Variants in RRBP1 observed in about 807,000 individuals in gnomAD.
RRBP1 encodes the protein ribosome-binding protein 1.
Under a neutral mutation model 165.2 loss-of-function variants are expected in RRBP1, and 94 were observed. The observed-to-expected ratio is 0.57, with a 90% CI of 0.48 to 0.68. The LOEUF is 0.68. RRBP1 is among the 30% of genes least tolerant of loss of function. The pLI is 0.00. For missense variants in RRBP1, 1,676 were observed against 1,763.0 expected (o/e 0.95, Z 0.88); for synonymous variants, 680 against 714.5 (o/e 0.95, Z 0.77).
intron 11 of RRBP1, 37 bp from the exon 12 acceptor site, chr20:17,625,639 A>G (rs1329708261): frequency 6.4e-7 from 1 of 1,562,094 alleles, no homozygotes; most frequent in African/African-American, 1.4e-5. Flanking sequence ...CTAGGCTCCA[A>G]GGGGCTACAG....
At chr20:17,624,412 G>GTC (rs2035975836) in intron 13 of RRBP1, among the ~76,000 whole-genome samples, 164 bp downstream of exon 13, 1 of 152,168 alleles carries the variant, frequency 6.6e-6, no homozygotes. Context: ...GTGCATCTGT[G>GTC]TGTCCTAGTG....
intron 3 of RRBP1, among the ~76,000 whole-genome samples, chr20:17,646,980 C>G (rs1284005570): frequency 3.3e-5 from 5 of 152,190 alleles, no homozygotes; most frequent in African/African-American, 1.2e-4. Flanking sequence ...GGGAGGGTAT[C>G]AGAACCACTC....
rs1485538173 is a variant in RRBP1, at chr20:17,682,188, T to C, written c.-259A>G. ...CTGACGCCGCCCGCCCCGTCTGCCG[T>C]CCGCTCCGGCCGCTCGCTGGCTGCG... On this transcript the variant is annotated 5_prime_UTR_variant, in exon 1 of 25. Transcript: ENST00000377813. The C allele has an allele frequency of 6.6e-6, 1 of 152,264 alleles. No individual in the cohort carries two copies. The highest frequency in any genetic ancestry group is 1.5e-5 in the Non-Finnish European group (1 of 68,168). 9.4% of individuals were successfully genotyped at this position (152,264 alleles called of 1,614,324 possible). A position where few individuals can be genotyped will look rare whatever the true frequency, so the allele number is the denominator to read the frequency against.
intron 2 of RRBP1, among the ~76,000 whole-genome samples, chr20:17,666,801 A>G (rs1044470688): frequency 1.3e-5 from 2 of 152,242 alleles, no homozygotes; most frequent in Admixed American, 6.5e-5. Context: ...ATCTTTCCTC[A>G]GGTTAAGTAG....
Position 17,677,858 on chromosome 20 carries a change from G to A in RRBP1, c.-22+2141C>T, listed in dbSNP as rs912194438. Among the ~76,000 whole-genome samples, 3 of 151,822 alleles carry A rather than the reference G, an allele frequency of 2.0e-5. No individual in the cohort carries two copies. In the South Asian group the frequency reaches 6.2e-4, roughly 32 times the overall value. ...TTGTCTCAAAAAAAAAGAGAAAAAA[G>A]AAAAAGAAAAAAAAGTTATATGGAG... On this transcript the variant is annotated intron_variant, in intron 2 of 24. Coordinates refer to ENST00000377813, the MANE Select transcript of RRBP1 (RefSeq NM_001365613.2).
At chr20:17,675,280 T>C (rs754825979) in intron 2 of RRBP1, among the ~76,000 whole-genome samples, 41 of 152,260 alleles carry the variant, frequency 2.7e-4, no homozygotes, top group Non-Finnish European at 5.4e-4. Context: ...TGTGTTTATA[T>C]GTGATGCTCT....
intron 2 of RRBP1, among the ~76,000 whole-genome samples, chr20:17,666,186 T>C (rs1568787537): frequency 6.6e-6 from 1 of 152,192 alleles, no homozygotes; most frequent in Non-Finnish European, 1.5e-5. Flanking sequence ...ATGAATATGG[T>C]ATGCTAGAGC....
At chr20:17,628,080 G>C (rs571130568) in intron 9 of RRBP1, among the ~76,000 whole-genome samples, 45 of 152,090 alleles carry the variant, frequency 3.0e-4, no homozygotes, top group African/African-American at 1.1e-3. Context: ...CTCCCTGGCT[G>C]GGTCCCCCTC....
rs1481249392 is a variant in RRBP1 at position 17,641,856 on chromosome 20, G to A, written c.2125C>T (p.Leu709=). The change falls in exon 5 of 25, where the codon CTG becomes TTG. Residue 709 remains leucine (L), a synonymous_variant. Transcript: ENST00000377813. ...GCCGCATCTTCCTGTTCTGTGGCCAGCAGTTTTTCCTTCTCTTCCAGCTGG... is the reference window on the plus strand; with the variant it reads ...GCCGCATCTTCCTGTTCTGTGGCCAACAGTTTTTCCTTCTCTTCCAGCTGG... ...KRQLEEKEKL[L]ATEQEDAAVA... The A allele has an allele frequency of 6.2e-7, 1 of 1,614,066 alleles. No individual in the cohort carries two copies. The highest frequency in any genetic ancestry group is 2.2e-5 in the East Asian group (1 of 44,890).
intron 13 of RRBP1, chr20:17,622,718 TG>T (rs2035938632): frequency 6.6e-6 from 1 of 152,122 alleles, no homozygotes; most frequent in Non-Finnish European, 1.5e-5. Context: ...AGGACCACAG[TG>T]TCCCCCGGGA....
chr20:17,674,242 G>A (rs917709728), intron 2 of RRBP1, among the ~76,000 whole-genome samples: 1 of 152,146 alleles, frequency 6.6e-6, no homozygotes, highest in Admixed American at 6.5e-5. Context: ...AAAATCAACA[G>A]GAGAGAAGAG....
chr20:17,637,279 T>C lies in RRBP1; in HGVS notation c.2185-550A>G, dbSNP rs549406776. 4.6e-5 allele frequency among the ~76,000 whole-genome samples: 7 copies of C among 152,222 alleles called. No individual in the cohort carries two copies. The South Asian group carries it at 1.5e-3, about 32-fold the overall frequency. On this transcript the variant is annotated intron_variant, in intron 5 of 24. Coordinates refer to ENST00000377813, the MANE Select transcript of RRBP1 (RefSeq NM_001365613.2). The stretch of plus-strand genomic sequence containing the variant: ...GACATCGGCTCCGATCAGTGCCAGA[T>C]ACCCACAGGTGAACATGGATGCCGA...
At chr20:17,625,944 G>A (rs1367306354) in intron 11 of RRBP1, among the ~76,000 whole-genome samples, 1 of 152,126 alleles carries the variant, frequency 6.6e-6, no homozygotes, top group Non-Finnish European at 1.5e-5. Context: ...TGCATCATGT[G>A]ACAGCCTCCG....
rs1174233865 is a variant in RRBP1, at chr20:17,627,285, C to T, written c.2963+63G>A. The T allele has an allele frequency of 5.1e-6, 8 of 1,577,830 alleles. No individual in the cohort carries two copies. In the African/African-American group the frequency reaches 1.1e-4, roughly 21 times the overall value. On this transcript the variant is annotated intron_variant, in intron 11 of 24. Coordinates refer to ENST00000377813, the MANE Select transcript of RRBP1 (RefSeq NM_001365613.2). ...CACCCTCCTGAAAACCCTGGCCCCC[C>T]AAGGGTCTTTGGTCCCCCGGGCTGA...
chr20:17,672,740 A>G (rs2037000661), intron 2 of RRBP1, among the ~76,000 whole-genome samples: 1 of 152,220 alleles, frequency 6.6e-6, no homozygotes, highest in South Asian at 2.1e-4. Context: ...CCCAAACTGG[A>G]AACTCTCCAA....
At position 17,658,936 on chromosome 20, in the gene RRBP1, C is replaced by T. The variant is rs1433066354; in HGVS notation, c.1572G>A (p.Gly524=). ...GAQNQGKKTE[G]AQGKKAERSP... ...TCCTTTCTGCCTTTTTGCCCTGAGC[C>T]CCTTCTGTCTTTTTACCCTGATTCT... Residue 524 remains glycine, a synonymous_variant, in exon 3 of 25, where the codon GGG becomes GGA. Transcript: ENST00000377813. The T allele has an allele frequency of 1.2e-6, 2 of 1,612,882 alleles. No homozygotes were observed. Among genetic ancestry groups the T allele is most frequent in the East Asian group, 2.2e-5 (1 of 44,900 alleles).
intron 2 of RRBP1, among the ~76,000 whole-genome samples, chr20:17,672,594 C>T (rs1441710882): frequency 6.6e-6 from 1 of 152,222 alleles, no homozygotes; most frequent in Non-Finnish European, 1.5e-5. Flanking sequence ...AGAACAAGCA[C>T]TTCAGACAAA....
chr20:17,620,193 G>C (rs185923018), intron 18 of RRBP1, 106 bp downstream of exon 18: 44 of 832,562 alleles, frequency 5.3e-5, no homozygotes, highest in Non-Finnish European at 8.5e-5. Context: ...CTCTCTTAAG[G>C]CACACGGTCC....
In RRBP1 at chr20:17,660,144, C is replaced by A; in HGVS notation, c.364G>T (p.Ala122Ser). 6.2e-7 allele frequency: 1 copy of A among 1,614,038 alleles called. No individual in the cohort carries two copies. Among genetic ancestry groups the A allele is most frequent in the South Asian group, 1.1e-5 (1 of 91,070 alleles). The change falls in exon 3 of 25, where the codon GCC (alanine) becomes TCC (serine). Residue 122 changes from alanine (A) to serine (S), a missense_variant. Ala to Ser is a moderately conservative substitution (Grantham distance 99). Transcript: ENST00000377813. ...TCCTGGGGCATGGCTGGAACTGTGG[C>A]GACAGGAGCAACGATAATGGGGGGC... ...VQPPIIVAPV[A>S]TVPAMPQEKL...
Sources: allele counts gnomAD v4.1 joint callset (sites outside exome capture counted in the v4.1 genomes callset), GRCh38; gene constraint gnomAD v4.1.1; transcripts MANE v1.5; gene names NCBI Gene and HGNC (gene_info 2026-07-23, HGNC 2026-07-21).